CBFB: variants seen among roughly 807,000 people sequenced by gnomAD.
CBFB encodes the protein core-binding factor subunit beta, also known as CBF-beta.
CBFB carries 9 observed loss-of-function variants against 30.4 expected under a neutral mutation model. The ratio of observed to expected loss-of-function variants is 0.30; its 90% CI spans 0.18 to 0.52. The LOEUF (loss-of-function observed/expected upper bound fraction) is 0.52. Ranked by LOEUF, CBFB falls within the 20% of genes least tolerant of loss-of-function variation. The probability of loss-of-function intolerance (pLI) is 0.97; values close to 1 mark genes in which losing one functional copy is unlikely to be tolerated. For missense variants in CBFB, 170 were observed against 244.0 expected (o/e 0.70, Z 2.02); for synonymous variants, 94 against 84.0 (o/e 1.12, Z -0.65).
rs968228023 is a variant in CBFB at position 67,077,219 on chromosome 16, C to T, written c.400-4994C>T. 1.2e-4 allele frequency among the ~76,000 whole-genome samples: 18 copies of T among 152,244 alleles called. No homozygotes were observed. The East Asian group carries it at 2.3e-3, about 20-fold the overall frequency. On this transcript the variant is annotated intron_variant, in intron 4 of 5. Coordinates refer to ENST00000412916, the MANE Select transcript of CBFB (RefSeq NM_022845.3). ...TTTTGGCAATCACAAAACAATATTT[C>T]ACGTTCAGTATAATGACCTTGCAAA...
chr16:67,030,804 T>C (rs997408125), intron 2 of CBFB, among the ~76,000 whole-genome samples: 2 of 152,204 alleles, frequency 1.3e-5, no homozygotes, highest in African/African-American at 4.8e-5. Flanking sequence ...TTCACCTTGT[T>C]GGCCAAGCTG....
chr16:67,075,020 C>G (rs762227856), intron 4 of CBFB, among the ~76,000 whole-genome samples: 15 of 151,992 alleles, frequency 9.9e-5, no homozygotes, highest in Admixed American at 4.6e-4. Context: ...AAAACCCCAT[C>G]TCTACTAAAA....
At chr16:67,035,244 C>T (rs1336109052) in intron 2 of CBFB, among the ~76,000 whole-genome samples, 1 of 152,034 alleles carries the variant, frequency 6.6e-6, no homozygotes, top group African/African-American at 2.4e-5. Flanking sequence ...CCACCATGCC[C>T]AGCTAATTTT....
rs774155755 is a variant in CBFB, at chr16:67,099,315, G to A, written c.*537G>A. 12 of 228,266 alleles carry A rather than the reference G, an allele frequency of 5.3e-5. No individual in the cohort carries two copies. The highest frequency in any genetic ancestry group is 8.7e-5 in the Non-Finnish European group (10 of 115,206). 14.1% of individuals were successfully genotyped at this position (228,266 alleles called of 1,614,324 possible). A position where few individuals can be genotyped will look rare whatever the true frequency, so the allele number is the denominator to read the frequency against. On this transcript the variant is annotated 3_prime_UTR_variant, in exon 6 of 6. Transcript: ENST00000412916. ...CTGATGTTGTTTGCATTATTTACAG[G>A]CTAAAAACTTAGTAGCATAGAGCTG... is the stretch of plus-strand genomic sequence containing the variant.
intron 1 of CBFB, 68 bp from the exon 2 acceptor site, chr16:67,029,659 C>A: frequency 6.9e-7 from 1 of 1,443,506 alleles, no homozygotes; most frequent in Non-Finnish European, 9.5e-7. Context: ...CGGCGCTGCG[C>A]TGGGAGGGCG....
chr16:67,057,965 G>A (rs1470832237), intron 3 of CBFB, among the ~76,000 whole-genome samples: 3 of 152,064 alleles, frequency 2.0e-5, no homozygotes, highest in Admixed American at 6.6e-5. Context: ...TCTCATGGAT[G>A]GCCTGATTGT....
intron 2 of CBFB, among the ~76,000 whole-genome samples, chr16:67,034,980 G>A (rs951191769): frequency 2.0e-5 from 3 of 151,318 alleles, no homozygotes; most frequent in Admixed American, 1.3e-4. Context: ...GCTTCAGGTC[G>A]TACAGCCTGG....
chr16:67,079,216 A>G (rs896415166), intron 4 of CBFB, among the ~76,000 whole-genome samples: 1 of 152,204 alleles, frequency 6.6e-6, no homozygotes, highest in African/African-American at 2.4e-5. Context: ...AATCTTTACA[A>G]CAATCTTGTT....
intron 2 of CBFB, among the ~76,000 whole-genome samples, chr16:67,033,431 C>T (rs1229049493): frequency 7.2e-5 from 11 of 152,124 alleles, no homozygotes; most frequent in Non-Finnish European, 1.5e-4. Context: ...CCTCCACCTC[C>T]TGCTTCAGCC....
intron 5 of CBFB, chr16:67,093,257 C>G (rs1961949565): frequency 2.0e-5 from 3 of 151,946 alleles, no homozygotes; most frequent in Admixed American, 6.6e-5. Flanking sequence ...GTTCTTTTAG[C>G]CAAGTATCAA....
At chr16:67,039,149 A>G (rs1306460406) in intron 3 of CBFB, among the ~76,000 whole-genome samples, 3 of 152,204 alleles carry the variant, frequency 2.0e-5, no homozygotes, top group African/African-American at 2.4e-5. Context: ...TCTAGATGGT[A>G]TAGCCTACTA....
At position 67,083,577 on chromosome 16, in the gene CBFB, C is replaced by T. The variant is rs561297515; in HGVS notation, c.495+1269C>T. Among the ~76,000 whole-genome samples, 263 of 152,224 alleles carry T rather than the reference C, an allele frequency of 1.7e-3. 1 individual carries two copies. Among genetic ancestry groups the T allele is most frequent in the African/African-American group, 6.0e-3 (250 of 41,522 alleles). On this transcript the variant is annotated intron_variant, in intron 5 of 5. Transcript: ENST00000412916. ...CCAAAGTGCTTGGATTGATTACAGG[C>T]GTGAGCCACTGCGTCTGGCCCATTA...
chr16:67,086,812 T>A (rs7199582), intron 5 of CBFB, among the ~76,000 whole-genome samples: 37,593 of 152,060 alleles, frequency 0.25, 9,900 homozygotes, highest in African/African-American at 0.67. Context: ...GTCAGTCTTG[T>A]GGGAAAATGA....
intron 3 of CBFB, among the ~76,000 whole-genome samples, chr16:67,065,423 T>C (rs576149755): frequency 6.7e-4 from 102 of 152,390 alleles, no homozygotes; most frequent in African/African-American, 2.3e-3. Context: ...ACTTGTTGGA[T>C]GTGATACAGT....
intron 5 of CBFB, among the ~76,000 whole-genome samples, chr16:67,096,925 C>CA (rs911939844): frequency 0.013 from 1,050 of 83,348 alleles, 6 homozygotes; most frequent in African/African-American, 0.025. Context: ...GACTCCGTCT[C>CA]AAAAAAAAAA....
intron 4 of CBFB, among the ~76,000 whole-genome samples, chr16:67,071,157 A>G (rs935531742): frequency 6.6e-6 from 1 of 152,186 alleles, no homozygotes; most frequent in African/African-American, 2.4e-5. Context: ...GCAAGATAAT[A>G]TAAGTAAAGA....
intron 2 of CBFB, among the ~76,000 whole-genome samples, chr16:67,031,381 G>A (rs113633922): frequency 7.2e-5 from 11 of 152,340 alleles, no homozygotes; most frequent in African/African-American, 2.2e-4. Flanking sequence ...ATTAGCTGGT[G>A]CGATGATCGT....
At chr16:67,049,497 C>T (rs747289362) in intron 3 of CBFB, among the ~76,000 whole-genome samples, 15 of 151,852 alleles carry the variant, frequency 9.9e-5, no homozygotes, top group East Asian at 1.9e-4. Flanking sequence ...CCACCGCGCC[C>T]GGCCCCATTC....
At chr16:67,032,506 TTC>T (rs1193218108) in intron 2 of CBFB, among the ~76,000 whole-genome samples, 2 of 152,238 alleles carry the variant, frequency 1.3e-5, no homozygotes, top group African/African-American at 4.8e-5. Flanking sequence ...TTTCCTAGTT[TTC>T]TCTCTTTCTA....
Sources: gnomAD v4.1 joint callset for allele counts (sites outside exome capture counted in the v4.1 genomes callset) on GRCh38, gnomAD v4.1.1 for gene constraint, MANE v1.5 for transcripts, NCBI Gene and HGNC (gene_info 2026-07-23, HGNC 2026-07-21) for gene names.